The following SLC26A1 variants were observed in gnomAD, a reference collection of about 807,000 sequenced individuals.
SLC26A1 encodes sulfate anion transporter 1.
Under a neutral mutation model 14.5 loss-of-function variants are expected in SLC26A1, and 18 were observed. The ratio of observed to expected loss-of-function variants is 1.24; its 90% confidence interval spans 0.86 to 1.84. The LOEUF is 1.84. Ranked by LOEUF, SLC26A1 falls within the 40% of genes most tolerant of loss-of-function variation. The probability of loss-of-function intolerance (pLI) is 0.00; values close to 1 mark genes in which losing one functional copy is unlikely to be tolerated. For missense variants in SLC26A1, 1,049 were observed against 1,020.0 expected, an observed-to-expected ratio of 1.03 and a Z score of -0.39; for synonymous variants, 505 against 492.0, an observed-to-expected ratio of 1.03 and a Z score of -0.35.
At chr4:987,205 T>C (rs1302843483), downstream of SLC26A1, 1 of 1,485,596 alleles carries the variant, frequency 6.7e-7, no homozygotes, top group African/African-American at 1.5e-5. Flanking sequence ...CCGCGCGCTG[T>C]GGCCCCTGCG....
intron 2 of SLC26A1, among the ~76,000 whole-genome samples, chr4:982,557 C>G (rs1486263111): frequency 6.6e-6 from 1 of 152,242 alleles, no homozygotes; most frequent in Non-Finnish European, 1.5e-5. Flanking sequence ...AAAGGCGGAC[C>G]TGGAAGCAAT....
downstream of SLC26A1, chr4:987,342 C>T (rs1171961285): frequency 8.7e-7 from 1 of 1,155,190 alleles, no homozygotes; most frequent in South Asian, 1.4e-5. Flanking sequence ...GGAGCTCCCT[C>T]CTCTGGGGCC....
intron 2 of SLC26A1, among the ~76,000 whole-genome samples, chr4:980,694 C>T (rs1323510692): frequency 6.7e-6 from 1 of 150,272 alleles, no homozygotes; most frequent in Non-Finnish European, 1.5e-5. Flanking sequence ...AAGACGAAAA[C>T]CAAGATTTTG....
In SLC26A1 at chr4:989,380, G is replaced by A. The variant is rs753652881; in HGVS notation, c.1559C>T (p.Ala520Val). 6.3e-7 allele frequency: 1 copy of A among 1,578,692 alleles called. No individual in the cohort carries two copies. Among genetic ancestry groups the A allele is most frequent in the East Asian group, 2.3e-5 (1 of 42,740 alleles). The change falls in exon 3 of 3, where the codon GCC becomes GTC. Residue 520 changes from alanine (A) to valine (V), a missense_variant. Physicochemically the swap from Ala to Val is moderately conservative, Grantham distance 64 (BLOSUM62 0). Transcript: ENST00000398516. The part of the protein sequence containing the change: ...TALLARIGDT[A>V]FYEDATEFEG... ...GAACTCTGTGGCATCCTCGTAGAAG[G>A]CCGTGTCCCCGATGCGGGCCAGCAG... is the stretch of plus-strand genomic sequence containing the variant.
At chr4:991,758 A>G (rs1184662672) in intron 1 of SLC26A1, 28 bp from the exon 2 acceptor site, 3 of 1,530,510 alleles carry the variant, frequency 2.0e-6, no homozygotes, top group South Asian at 1.2e-5. Context: ...GCATGGTCAC[A>G]GGAGCCCCCG....
At chr4:990,857 A>G (rs112159107) in intron 2 of SLC26A1, 8 of 481,788 alleles carry the variant, frequency 1.7e-5, no homozygotes, top group African/African-American at 1.4e-4. Flanking sequence ...CCACTGAGCC[A>G]CAGCCACACC....
At chr4:990,462 G>T in intron 2 of SLC26A1, 100 bp from the exon 3 acceptor site, 1 of 1,177,720 alleles carries the variant, frequency 8.5e-7, no homozygotes, top group Non-Finnish European at 1.2e-6. Context: ...CACGGCACAG[G>T]ACCTGACAAT....
chr4:990,450 G>A, intron 2 of SLC26A1, 88 bp from the exon 3 acceptor site: 1 of 1,293,910 alleles, frequency 7.7e-7, no homozygotes, highest in Non-Finnish European at 1.1e-6. Context: ...AGGGGTGGTG[G>A]TCACGGCACA....
intron 1 of SLC26A1, 98 bp from the exon 2 acceptor site, chr4:991,828 G>T: frequency 2.6e-6 from 4 of 1,532,588 alleles, no homozygotes; most frequent in Non-Finnish European, 3.5e-6. Flanking sequence ...CGGACCCCTC[G>T]CCCACCCAGG....
At chr4:992,184 G>A (rs576425470) in intron 1 of SLC26A1, 3 of 461,598 alleles carry the variant, frequency 6.5e-6, no homozygotes, top group South Asian at 4.6e-5. Flanking sequence ...ACAGGTGCAG[G>A]CAAGCCTGAG....
downstream of SLC26A1, among the ~76,000 whole-genome samples, chr4:983,496 G>C (rs1467123994): frequency 2.0e-5 from 3 of 152,260 alleles, no homozygotes; most frequent in East Asian, 1.9e-4. Flanking sequence ...GAGCTGCAGA[G>C]AGAGGCCTCC....
chr4:989,496 A>G lies in SLC26A1; in HGVS notation c.1443T>C (p.Cys481=). ...ALVWAGTAAT[C]MLVSTEAGLL... is the part of the protein sequence containing the mutation. ...GCCCGGCCTCTGTGCTGACCAGCAT[A>G]CAGGTGGCCGCGGTGCCTGCCCAGA... Residue 481 remains cysteine (C), a synonymous_variant, in exon 3 of 3, where the codon TGT becomes TGC. Transcript: ENST00000398516. 6.4e-7 allele frequency: 1 copy of G among 1,554,022 alleles called. No homozygotes were observed. Among genetic ancestry groups the G allele is most frequent in the Non-Finnish European group, 8.7e-7 (1 of 1,149,334 alleles).
intron 2 of SLC26A1, among the ~76,000 whole-genome samples, chr4:982,244 C>G (rs1713566925): frequency 6.6e-6 from 1 of 152,204 alleles, no homozygotes; most frequent in Non-Finnish European, 1.5e-5. Flanking sequence ...GGTCACAGGA[C>G]CAGCACCCCA....
chr4:989,269 G>A lies in SLC26A1; in HGVS notation c.1670C>T (p.Ser557Leu), dbSNP rs769256336. 4 of 1,612,712 alleles carry A rather than the reference G, an allele frequency of 2.5e-6. No homozygotes were observed. The Admixed American group carries it at 6.7e-5, about 27-fold the overall frequency. ...YYANKDFFLQ[S>L]LYSLTGLDAG... ...GTCCAGCCCCGTGAGGCTGTAGAGT[G>A]ACTGCAGGAAGAAGTCCTTGTTGGC... Residue 557 changes from serine to leucine, a missense_variant, in exon 3 of 3, where the codon TCA becomes TTA. By Grantham distance (145) the Ser-to-Leu change is moderately radical. Coordinates refer to ENST00000398516, the MANE Select transcript of SLC26A1 (RefSeq NM_022042.4).
chr4:988,955 A>C lies in SLC26A1; in HGVS notation c.1984T>G (p.Phe662Val). ...PVRDILSRGG[F>V]LGEGPGDTAE... ...GTGTCCCCGGGGCCCTCCCCGAGGA[A>C]GCCTCCTCTGCTCAGAATGTCTCTC... The change falls in exon 3 of 3, where the codon TTC (phenylalanine) becomes GTC (valine). Residue 662 changes from phenylalanine to valine, a missense_variant. By Grantham distance (50) the Phe-to-Val change is conservative. Coordinates refer to ENST00000398516, the MANE Select transcript of SLC26A1 (RefSeq NM_022042.4). The C allele has an allele frequency of 6.3e-7, 1 of 1,596,380 alleles. No homozygotes were observed. The highest frequency in any genetic ancestry group is 8.5e-7 in the Non-Finnish European group (1 of 1,172,194).
At chr4:992,110 C>T (rs1714402740) in intron 1 of SLC26A1, 1 of 498,662 alleles carries the variant, frequency 2.0e-6, no homozygotes, top group Non-Finnish European at 3.9e-6. Context: ...CCCAACGGGG[C>T]AGGAACAGGC....
chr4:989,373 G>A lies in SLC26A1; in HGVS notation c.1566C>T (p.Tyr522=), dbSNP rs752562626. 16 of 1,581,540 alleles carry A rather than the reference G, an allele frequency of 1.0e-5. No individual in the cohort carries two copies. Among genetic ancestry groups the A allele is most frequent in the Middle Eastern group, 1.7e-4 (1 of 6,052 alleles). Residue 522 remains tyrosine, a synonymous_variant, in exon 3 of 3, where the codon TAC becomes TAT. Coordinates refer to ENST00000398516, the MANE Select transcript of SLC26A1 (RefSeq NM_022042.4). ...GGCCCTCGAACTCTGTGGCATCCTC[G>A]TAGAAGGCCGTGTCCCCGATGCGGG... is the stretch of plus-strand genomic sequence containing the variant. ...LLARIGDTAF[Y]EDATEFEGLV... is the part of the protein sequence containing the mutation.
downstream of SLC26A1, among the ~76,000 whole-genome samples, chr4:987,421 G>A (rs373309217): frequency 3.3e-5 from 5 of 152,230 alleles, no homozygotes; most frequent in East Asian, 7.8e-4. Flanking sequence ...GCGCCGGGGC[G>A]TGAGCCTGGG....
chr4:990,864 C>T (rs1714235477), intron 2 of SLC26A1: 1 of 494,790 alleles, frequency 2.0e-6, no homozygotes, highest in Admixed American at 3.7e-5. Flanking sequence ...GCCACAGCCA[C>T]ACCTGGCCTG....
Sources: gnomAD v4.1 joint callset for allele counts (sites outside exome capture counted in the v4.1 genomes callset) on GRCh38, gnomAD v4.1.1 for gene constraint, MANE v1.5 for transcripts, NCBI Gene and HGNC (gene_info 2026-07-23, HGNC 2026-07-21) for gene names.